Variants in GRIN2A observed in about 807,000 individuals in gnomAD.
The protein encoded by GRIN2A is glutamate receptor ionotropic, NMDA 2A.
Under a neutral mutation model 113.4 loss-of-function variants are expected in GRIN2A, and 22 were observed. That is an observed-to-expected ratio of 0.19 (90% CI 0.14 to 0.28). The LOEUF is 0.28. GRIN2A is among the 10% of genes least tolerant of loss of function. GRIN2A has a pLI of 1.00. For missense variants in GRIN2A, 1,502 were observed against 1,887.0 expected (o/e 0.80, Z 3.78); for synonymous variants, 827 against 738.4 (o/e 1.12, Z -1.94).
chr16:10,070,665 G>C (rs10500374), intron 2 of GRIN2A, among the ~76,000 whole-genome samples: 7,616 of 152,208 alleles, frequency 0.05, 701 homozygotes, highest in African/African-American at 0.18. Context: ...AGATTTTCCA[G>C]ATGATAAGTT....
chr16:9,993,773 C>G (rs2046171641), intron 2 of GRIN2A, among the ~76,000 whole-genome samples: 1 of 152,138 alleles, frequency 6.6e-6, no homozygotes, highest in African/African-American at 2.4e-5. Context: ...CTGCCCCTAA[C>G]TCCAACCCCC....
At chr16:10,100,142 T>C (rs992547457) in intron 2 of GRIN2A, among the ~76,000 whole-genome samples, 1 of 151,980 alleles carries the variant, frequency 6.6e-6, no homozygotes, top group Non-Finnish European at 1.5e-5. Flanking sequence ...AAGGAGCAGG[T>C]GAGACGTGGG....
Position 9,798,262 on chromosome 16 carries a change from C to T in GRIN2A, c.2356+15G>A, listed in dbSNP as rs1231293534. ...CTCAAGTCCCCCTAAAGAAAGGGGT[C>T]ACCCGGGGTCTTACCATCACCCACA... On this transcript the variant is annotated intron_variant, in intron 11 of 12. Transcript: ENST00000330684. The T allele has an allele frequency of 1.9e-6, 3 of 1,609,376 alleles. No homozygotes were observed. Among genetic ancestry groups the T allele is most frequent in the Non-Finnish European group, 2.6e-6 (3 of 1,176,126 alleles).
intron 2 of GRIN2A, among the ~76,000 whole-genome samples, chr16:10,103,341 G>C (rs987890148): frequency 2.0e-5 from 3 of 152,110 alleles, no homozygotes; most frequent in Non-Finnish European, 2.9e-5. Flanking sequence ...GCACAAGCTG[G>C]GATGCAATTT....
chr16:10,009,262 T>C (rs1005187362), intron 2 of GRIN2A, among the ~76,000 whole-genome samples: 1 of 152,236 alleles, frequency 6.6e-6, no homozygotes, highest in African/African-American at 2.4e-5. Flanking sequence ...GATGCTGATT[T>C]AATTTTTGTA....
intron 10 of GRIN2A, among the ~76,000 whole-genome samples, chr16:9,812,361 G>A (rs6497520): frequency 0.29 from 44,250 of 152,116 alleles, 6,834 homozygotes; most frequent in African/African-American, 0.39. Context: ...CACTTAAGCC[G>A]GTCACGGTAA....
chr16:9,947,923 G>A (rs1367853150), intron 2 of GRIN2A, among the ~76,000 whole-genome samples: 1 of 151,956 alleles, frequency 6.6e-6, no homozygotes, highest in African/African-American at 2.4e-5. Context: ...TTGTAATCAA[G>A]AAAGAATCAA....
chr16:9,766,584 G>A (rs1900935734), intron 12 of GRIN2A, among the ~76,000 whole-genome samples: 1 of 152,122 alleles, frequency 6.6e-6, no homozygotes, highest in African/African-American at 2.4e-5. Flanking sequence ...GTGGTTGGCT[G>A]TTTGTCCTGC....
rs550878056 is a variant in GRIN2A at position 9,990,599 on chromosome 16, G to A, written c.415-52048C>T. Among the ~76,000 whole-genome samples the A allele has an allele frequency of 9.1e-3, 1,245 of 136,120 alleles. 10 individuals are homozygous for A. The highest frequency in any genetic ancestry group is 0.016 in the Middle Eastern group (4 of 254). 89.3% of individuals were successfully genotyped at this position (136,120 alleles called of 152,430 possible). ...CACACACACACACACACACACACAC[G>A]GTTGATGGAAAATGAATGCTGCCTC... On this transcript the variant is annotated intron_variant, in intron 2 of 12. Transcript: ENST00000330684.
intron 2 of GRIN2A, among the ~76,000 whole-genome samples, chr16:10,137,581 C>T (rs2049224337): frequency 6.6e-6 from 1 of 152,200 alleles, no homozygotes; most frequent in African/African-American, 2.4e-5. Flanking sequence ...TTATTCCCGT[C>T]AGCTGGCTGT....
chr16:9,763,619 G>A lies in GRIN2A; in HGVS notation c.3925C>T (p.Arg1309Trp), dbSNP rs145602289. ...TCCCTGTCCTTGAGGCTTATGCTCCGGGAGGGCCTGCTAAGGTCTAGCTCC... is the reference window on the plus strand; with the variant it reads ...TCCCTGTCCTTGAGGCTTATGCTCCAGGAGGGCCTGCTAAGGTCTAGCTCC... ...PRELDLSRPS[R>W]SISLKDRERL... The change falls in exon 13 of 13, where the codon CGG becomes TGG. Residue 1309 changes from arginine (R) to tryptophan (W), a missense_variant. Around this residue, in one of 7 missense-constraint regions of GRIN2A, gnomAD observed 832 missense variants for 789.7 expected, o/e 1.05. Coordinates refer to ENST00000330684, the MANE Select transcript of GRIN2A (RefSeq NM_001134407.3). The A allele has an allele frequency of 3.1e-6, 5 of 1,613,274 alleles. No individual in the cohort carries two copies. Among genetic ancestry groups the A allele is most frequent in the African/African-American group, 2.7e-5 (2 of 74,998 alleles).
At chr16:10,077,415 T>C (rs1031834205) in intron 2 of GRIN2A, among the ~76,000 whole-genome samples, 1 of 152,114 alleles carries the variant, frequency 6.6e-6, no homozygotes, top group African/African-American at 2.4e-5. Context: ...CTCCTCTTTC[T>C]CTCATTCTGC....
chr16:9,865,067 T>C (rs535999718), intron 4 of GRIN2A, among the ~76,000 whole-genome samples: 2 of 152,322 alleles, frequency 1.3e-5, no homozygotes, highest in South Asian at 4.1e-4. Flanking sequence ...GGCCCAAAAC[T>C]ACTTTGCTCC....
intron 2 of GRIN2A, among the ~76,000 whole-genome samples, chr16:9,975,275 T>C (rs1399658950): frequency 6.6e-6 from 1 of 152,150 alleles, no homozygotes; most frequent in Non-Finnish European, 1.5e-5. Context: ...GAATGTGTTA[T>C]GTTACATGAA....
chr16:10,046,879 T>G (rs894281921), intron 2 of GRIN2A, among the ~76,000 whole-genome samples: 3 of 152,230 alleles, frequency 2.0e-5, no homozygotes, highest in African/African-American at 7.2e-5. Flanking sequence ...CTAACGTTTA[T>G]TAAGCCTAAC....
intron 4 of GRIN2A, among the ~76,000 whole-genome samples, chr16:9,855,023 T>C (rs2042944862): frequency 6.8e-6 from 1 of 146,086 alleles, no homozygotes; most frequent in Non-Finnish European, 1.5e-5. Flanking sequence ...TGTGTGTGTG[T>C]GTGCTGTATA....
intron 10 of GRIN2A, 56 bp downstream of exon 10, chr16:9,822,208 T>C: frequency 6.4e-7 from 1 of 1,574,696 alleles, no homozygotes; most frequent in Non-Finnish European, 8.7e-7. Context: ...GAGAGTCAAT[T>C]TCTGTAAGGT....
chr16:10,077,046 A>G (rs574080611), intron 2 of GRIN2A, among the ~76,000 whole-genome samples: 1 of 152,330 alleles, frequency 6.6e-6, no homozygotes, highest in Admixed American at 6.5e-5. Flanking sequence ...AAGAGATGTG[A>G]CTTCAGAAGA....
chr16:9,761,099 C>G lies in GRIN2A; in HGVS notation c.*2050G>C, dbSNP rs774134464. 2 of 232,778 alleles carry G rather than the reference C, an allele frequency of 8.6e-6. No individual in the cohort carries two copies. The highest frequency in any genetic ancestry group is 1.7e-5 in the Non-Finnish European group (2 of 117,764). 14.4% of individuals were successfully genotyped at this position (232,778 alleles called of 1,614,324 possible). ...TGCCTTTCAAAAATGAAAGGAAGCT[C>G]CTCTCACCCACTGCCTCCCTCTGTC... On this transcript the variant is annotated 3_prime_UTR_variant, in exon 13 of 13. Transcript: ENST00000330684.
Sources: gnomAD v4.1 joint callset for allele counts (sites outside exome capture counted in the v4.1 genomes callset) on GRCh38, gnomAD v4.1.1 for gene constraint, gnomAD v4.1.1 regional missense constraint, MANE v1.5 for transcripts, NCBI Gene and HGNC (gene_info 2026-07-23, HGNC 2026-07-21) for gene names.